Variants in CCDC91 observed in about 807,000 individuals in gnomAD.
CCDC91 encodes coiled-coil domain-containing protein 91.
A neutral mutation model predicts 63.2 loss-of-function variants in CCDC91; 48 were observed. The ratio of observed to expected loss-of-function variants is 0.76; its 90% confidence interval spans 0.60 to 0.97. CCDC91 has a LOEUF of 0.97. Among genes scored for constraint, CCDC91 ranks in the 50% least tolerant of loss-of-function variants. CCDC91 has a pLI of 0.00. For missense variants in CCDC91, 500 were observed against 494.6 expected (o/e 1.01, Z -0.10); for synonymous variants, 167 against 165.8 (o/e 1.01, Z -0.06).
intron 7 of CCDC91, among the ~76,000 whole-genome samples, chr12:28,367,556 G>C (rs1259301051): frequency 3.3e-5 from 5 of 152,090 alleles, no homozygotes; most frequent in African/African-American, 4.8e-5. Context: ...AAGAAAGAAG[G>C]CAAAACTTAA....
intron 8 of CCDC91, among the ~76,000 whole-genome samples, chr12:28,398,407 G>A (rs79129119): frequency 0.012 from 1,819 of 152,150 alleles, 38 homozygotes; most frequent in African/African-American, 0.042. Context: ...GTATGGAAAC[G>A]TAGCATTTTG....
chr12:28,262,769 CTTA>C (rs1370322675), intron 3 of CCDC91, among the ~76,000 whole-genome samples: 2 of 151,920 alleles, frequency 1.3e-5, no homozygotes, highest in Non-Finnish European at 2.9e-5. Flanking sequence ...TCTTTACACC[CTTA>C]TTGTCATAGG....
chr12:28,523,718 G>A (rs1421096280), intron 12 of CCDC91, among the ~76,000 whole-genome samples: 1 of 152,140 alleles, frequency 6.6e-6, no homozygotes, highest in Non-Finnish European at 1.5e-5. Flanking sequence ...GGTAGTGGTT[G>A]TTCCTTTCCA....
intron 3 of CCDC91, among the ~76,000 whole-genome samples, chr12:28,264,690 ATGACTTGACCT>A (rs1010384092): frequency 1.3e-5 from 2 of 150,474 alleles, no homozygotes; most frequent in Non-Finnish European, 3.0e-5. Flanking sequence ...GGACTGTATC[ATGACTTGACCT>A]TGCAATTTCT....
Position 28,320,608 on chromosome 12 carries a change from G to GACT in CCDC91, c.576+12861_576+12863dup, listed in dbSNP as rs1940392397. ...GCCACAGACCTCAGCAGTAAGTGAA[G>GACT]ACTAGTTTGAAGCAAATGCTTATAA... On this transcript the variant is annotated intron_variant, in intron 6 of 12. Transcript: ENST00000536442. 2.0e-5 allele frequency among the ~76,000 whole-genome samples: 3 copies of GACT among 152,004 alleles called. No individual in the cohort carries two copies. In the South Asian group the frequency reaches 6.2e-4, roughly 32 times the overall value.
chr12:28,267,707 TTA>T (rs1169430399), intron 3 of CCDC91, among the ~76,000 whole-genome samples: 1 of 112,094 alleles, frequency 8.9e-6, no homozygotes, highest in Non-Finnish European at 1.7e-5. Flanking sequence ...TTATATATAA[TTA>T]TATAATTATA....
intron 6 of CCDC91, among the ~76,000 whole-genome samples, chr12:28,335,336 A>C (rs553959032): frequency 3.0e-5 from 4 of 135,268 alleles, no homozygotes; most frequent in African/African-American, 8.1e-5. Flanking sequence ...ATATATTATA[A>C]ATATTTATAT....
At chr12:28,455,327 G>T (rs1274340385) in intron 11 of CCDC91, among the ~76,000 whole-genome samples, 1 of 152,062 alleles carries the variant, frequency 6.6e-6, no homozygotes, top group African/African-American at 2.4e-5. Context: ...TTTGTATAAA[G>T]TCCCATGAGC....
At position 28,242,014 on chromosome 12, in the gene CCDC91, A is replaced by C. The variant is rs1443921972; in HGVS notation, c.-14-15188A>C. Reference sequence around the variant, plus strand: ...CCTTCTCAAAAAAAAAAAAAAAAAAAAACGAAACAAAAAAAACTCATATTA... The same window carrying C: ...CCTTCTCAAAAAAAAAAAAAAAAAACAACGAAACAAAAAAAACTCATATTA... On this transcript the variant is annotated intron_variant, in intron 1 of 12. Coordinates refer to ENST00000536442, the MANE Select transcript of CCDC91 (RefSeq NM_018318.5). Among the ~76,000 whole-genome samples, 9 of 151,536 alleles carry C rather than the reference A, an allele frequency of 5.9e-5. No homozygotes were observed. In the East Asian group the frequency reaches 1.7e-3, roughly 29 times the overall value.
At chr12:28,442,210 GATGCGTTGTC>G (rs1305824076) in intron 8 of CCDC91, among the ~76,000 whole-genome samples, 1 of 152,108 alleles carries the variant, frequency 6.6e-6, no homozygotes, top group Non-Finnish European at 1.5e-5. Flanking sequence ...AATCCAGGAG[GATGCGTTGTC>G]ATTCTCTAGG....
At chr12:28,413,459 G>C (rs1414328774) in intron 8 of CCDC91, among the ~76,000 whole-genome samples, 1 of 151,974 alleles carries the variant, frequency 6.6e-6, no homozygotes, top group East Asian at 1.9e-4. Flanking sequence ...ATTTGTTTTT[G>C]TCTGAACATT....
intron 11 of CCDC91, among the ~76,000 whole-genome samples, chr12:28,470,269 G>T (rs74928211): frequency 3.8e-4 from 58 of 152,050 alleles, no homozygotes; most frequent in African/African-American, 1.3e-3. Context: ...AAAAAATAGA[G>T]AAAATATTTG....
intron 6 of CCDC91, among the ~76,000 whole-genome samples, chr12:28,327,905 C>A (rs541732511): frequency 1.8e-4 from 28 of 152,182 alleles, no homozygotes; most frequent in Middle Eastern, 3.4e-3. Context: ...TGACCTCAGG[C>A]ATCCTGTTTC....
At chr12:28,258,102 T>C (rs1946568332) in intron 2 of CCDC91, among the ~76,000 whole-genome samples, 1 of 152,038 alleles carries the variant, frequency 6.6e-6, no homozygotes, top group South Asian at 2.1e-4. Flanking sequence ...TAGGATCTTC[T>C]TCTCTTTTGC....
chr12:28,262,203 C>G (rs764470473), intron 3 of CCDC91, among the ~76,000 whole-genome samples: 1 of 151,956 alleles, frequency 6.6e-6, no homozygotes, highest in Non-Finnish European at 1.5e-5. Flanking sequence ...GAAGAAAAGA[C>G]TAATTTTCTC....
At chr12:28,369,704 C>T (rs564879192) in intron 7 of CCDC91, among the ~76,000 whole-genome samples, 149 of 152,280 alleles carry the variant, frequency 9.8e-4, no homozygotes, top group Non-Finnish European at 7.6e-4. Flanking sequence ...ACTTCTGCCT[C>T]GACATCCAGG....
rs368530175 is a variant in CCDC91 at position 28,474,362 on chromosome 12, A to G, written c.1102-9690A>G. Among the ~76,000 whole-genome samples, 22 of 152,294 alleles carry G rather than the reference A, an allele frequency of 1.4e-4. No homozygotes were observed. The East Asian group carries it at 1.5e-3, about 11-fold the overall frequency. ...AGTTTGTAATGCACCAAACAGCACT[A>G]TGATGGGATGAGAATCATGTCATAA... On this transcript the variant is annotated intron_variant, in intron 11 of 12. Transcript: ENST00000536442.
At chr12:28,344,152 C>T (rs920732122) in intron 6 of CCDC91, among the ~76,000 whole-genome samples, 6 of 151,872 alleles carry the variant, frequency 4.0e-5, no homozygotes, top group Admixed American at 1.3e-4. Flanking sequence ...CAAAGTTATA[C>T]TAAAGAGGTA....
intron 11 of CCDC91, among the ~76,000 whole-genome samples, chr12:28,477,135 T>C (rs1439576682): frequency 6.6e-6 from 1 of 152,132 alleles, no homozygotes; most frequent in African/African-American, 2.4e-5. Flanking sequence ...GCCAGCATCA[T>C]CCTCATTCCA....
Sources: allele counts gnomAD v4.1 joint callset (sites outside exome capture counted in the v4.1 genomes callset), GRCh38; gene constraint gnomAD v4.1.1; transcripts MANE v1.5; gene names NCBI Gene and HGNC (gene_info 2026-07-23, HGNC 2026-07-21).